PLCB1: variants seen among roughly 807,000 people sequenced by gnomAD.
PLCB1 encodes the protein 1-phosphatidylinositol 4,5-bisphosphate phosphodiesterase beta-1.
In PLCB1, 46 loss-of-function variants were observed where a neutral mutation model predicts 161.8. The observed-to-expected ratio is 0.28, with a 90% confidence interval of 0.22 to 0.36. The LOEUF is 0.36. Among genes scored for constraint, PLCB1 ranks in the 10% least tolerant of loss-of-function variants. PLCB1 has a pLI of 1.00. For missense variants in PLCB1, 1,016 were observed against 1,472.5 expected, an observed-to-expected ratio of 0.69 and a Z score of 5.07; for synonymous variants, 517 against 503.7, an observed-to-expected ratio of 1.03 and a Z score of -0.35.
chr20:8,447,807 G>C (rs1034505340), intron 3 of PLCB1, among the ~76,000 whole-genome samples: 33 of 152,162 alleles, frequency 2.2e-4, no homozygotes, highest in African/African-American at 7.7e-4. Flanking sequence ...CTGCAATAAG[G>C]GCTGAAGTGG....
intron 3 of PLCB1, among the ~76,000 whole-genome samples, chr20:8,496,228 C>G (rs1035722135): frequency 6.6e-6 from 1 of 150,700 alleles, no homozygotes; most frequent in Non-Finnish European, 1.5e-5. Flanking sequence ...CGTGGTGGCT[C>G]AAGCCTGTAA....
At chr20:8,340,870 G>A (rs146348302) in intron 2 of PLCB1, among the ~76,000 whole-genome samples, 5 of 152,266 alleles carry the variant, frequency 3.3e-5, no homozygotes, top group African/African-American at 1.2e-4. Flanking sequence ...CAACAGAGAG[G>A]ACTTCATGAG....
At chr20:8,231,731 CTG>C (rs10534921) in intron 2 of PLCB1, among the ~76,000 whole-genome samples, 152,159 of 152,164 alleles carry the variant, frequency 1, 76,077 homozygotes, top group Middle Eastern at 1. Context: ...CAGGAGAGCC[CTG>C]TGCAGGGCAG....
In PLCB1 at chr20:8,474,797, A is replaced by G. The variant is rs116108930; in HGVS notation, c.246+103347A>G. On this transcript the variant is annotated intron_variant, in intron 3 of 31. Coordinates refer to ENST00000338037, the MANE Select transcript of PLCB1 (RefSeq NM_015192.4). ...CAGAGAATGGGGAAGTACATTGCCC[A>G]TTAAGAATTTTAAGAGATCTAAGTG... 6.1e-3 allele frequency among the ~76,000 whole-genome samples: 922 copies of G among 152,282 alleles called. 8 individuals are homozygous for G. The highest frequency in any genetic ancestry group is 0.021 in the African/African-American group (852 of 41,548).
intron 1 of PLCB1, among the ~76,000 whole-genome samples, chr20:8,138,966 G>A (rs545453475): frequency 8.3e-4 from 118 of 142,462 alleles, no homozygotes; most frequent in Non-Finnish European, 1.5e-3. Flanking sequence ...ATTATAAATT[G>A]AGTAACAAAC....
In PLCB1 at chr20:8,658,709, G is replaced by C; in HGVS notation, c.862+5G>C. The C allele has an allele frequency of 6.3e-7, 1 of 1,595,852 alleles. No individual in the cohort carries two copies. Among genetic ancestry groups the C allele is most frequent in the African/African-American group, 1.4e-5 (1 of 73,748 alleles). ...ACAACAGCCTCGCCAGAAAAGGTCA[G>C]TACTTTCTTTCACACCAAAGGGAAG... On this transcript the variant is annotated splice_donor_5th_base_variant and intron_variant, in intron 9 of 31. Transcript: ENST00000338037.
chr20:8,557,012 AAAATAAAT>A (rs569223433), intron 3 of PLCB1, among the ~76,000 whole-genome samples: 1,867 of 126,262 alleles, frequency 0.015, 43 homozygotes, highest in African/African-American at 0.063. Flanking sequence ...ATAAATAAAT[AAAATAAAT>A]AAAAAAAATA....
chr20:8,265,771 A>G (rs928701101), intron 2 of PLCB1, among the ~76,000 whole-genome samples: 5 of 152,220 alleles, frequency 3.3e-5, no homozygotes, highest in Non-Finnish European at 5.9e-5. Flanking sequence ...AGCAACAGTT[A>G]CTTAACAATA....
chr20:8,633,245 C>A, intron 4 of PLCB1, among the ~76,000 whole-genome samples: 1 of 150,944 alleles, frequency 6.6e-6, no homozygotes, highest in Non-Finnish European at 1.5e-5. Flanking sequence ...AAGTTCTGGC[C>A]CAAGAGGAAA....
intron 3 of PLCB1, among the ~76,000 whole-genome samples, chr20:8,468,903 G>C (rs1263244353): frequency 6.6e-6 from 1 of 152,136 alleles, no homozygotes; most frequent in Non-Finnish European, 1.5e-5. Context: ...GGAAATATTA[G>C]AGAGAGTCAT....
At chr20:8,516,809 TG>T (rs1211623537) in intron 3 of PLCB1, among the ~76,000 whole-genome samples, 1 of 151,010 alleles carries the variant, frequency 6.6e-6, no homozygotes, top group Non-Finnish European at 1.5e-5. Context: ...ATGGTCAAGG[TG>T]AAAAGGGTAT....
chr20:8,365,170 CTG>C (rs1986666993), intron 2 of PLCB1, among the ~76,000 whole-genome samples: 1 of 152,138 alleles, frequency 6.6e-6, no homozygotes, highest in African/African-American at 2.4e-5. Context: ...GCATCTGCAC[CTG>C]TGTTTGACAG....
At chr20:8,637,770 T>C (rs563261930) in intron 4 of PLCB1, among the ~76,000 whole-genome samples, 2 of 152,374 alleles carry the variant, frequency 1.3e-5, no homozygotes, top group East Asian at 3.9e-4. Context: ...CAGAAAATTA[T>C]AGTTGCAATT....
chr20:8,748,773 T>C (rs917564578), intron 23 of PLCB1, among the ~76,000 whole-genome samples: 2 of 152,180 alleles, frequency 1.3e-5, no homozygotes, highest in African/African-American at 2.4e-5. Context: ...TTAACAATCA[T>C]GTATCATAGT....
chr20:8,814,342 C>A (rs6140728), intron 31 of PLCB1, among the ~76,000 whole-genome samples: 2 of 152,126 alleles, frequency 1.3e-5, no homozygotes, highest in African/African-American at 4.8e-5. Context: ...GTTGAGAAAC[C>A]TAAATATTAC....
intron 2 of PLCB1, among the ~76,000 whole-genome samples, chr20:8,350,395 T>A (rs1272878754): frequency 6.6e-6 from 1 of 152,178 alleles, no homozygotes; most frequent in Non-Finnish European, 1.5e-5. Flanking sequence ...TCCATCTCCA[T>A]CCATGTCCCT....
chr20:8,705,828 G>C lies in PLCB1; in HGVS notation c.1168-2842G>C, dbSNP rs141617683. ...AAAGAAATGGCAGGTGCCAGATCAA[G>C]TTAGGCTGTGTAGATTATGATAATG... On this transcript the variant is annotated intron_variant, in intron 11 of 31. Coordinates refer to ENST00000338037, the MANE Select transcript of PLCB1 (RefSeq NM_015192.4). 1.5e-3 allele frequency among the ~76,000 whole-genome samples: 225 copies of C among 152,362 alleles called. 5 individuals are homozygous for C. The East Asian group carries it at 0.038, about 26-fold the overall frequency.
intron 2 of PLCB1, among the ~76,000 whole-genome samples, chr20:8,259,156 T>G (rs954202684): frequency 6.6e-6 from 1 of 152,224 alleles, no homozygotes; most frequent in African/African-American, 2.4e-5. Context: ...ACAGTTCCCA[T>G]TCCCCACTTG....
chr20:8,604,252 CAAAAAAAA>C (rs34186286), intron 3 of PLCB1, among the ~76,000 whole-genome samples: 12 of 51,396 alleles, frequency 2.3e-4, no homozygotes, highest in Admixed American at 8.7e-4. Flanking sequence ...GGCCCTGTCT[CAAAAAAAA>C]AAAAAAAAAA....
Sources: gnomAD v4.1 joint callset for allele counts (sites outside exome capture counted in the v4.1 genomes callset) on GRCh38, gnomAD v4.1.1 for gene constraint, MANE v1.5 for transcripts, NCBI Gene and HGNC (gene_info 2026-07-23, HGNC 2026-07-21) for gene names.